SPON2: variants seen among roughly 807,000 people sequenced by gnomAD.
SPON2 encodes the protein spondin-2.
SPON2 carries 32 observed loss-of-function variants against 29.9 expected under a neutral mutation model. The ratio of observed to expected loss-of-function variants is 1.07; its 90% confidence interval spans 0.81 to 1.44. The LOEUF (loss-of-function observed/expected upper bound fraction) is 1.44, where lower values mean the gene tolerates loss of function less well. Ranked by LOEUF, SPON2 falls within the 40% of genes most tolerant of loss-of-function variation. The pLI is 0.00. For missense variants in SPON2, 541 were observed against 455.5 expected, an observed-to-expected ratio of 1.19 and a Z score of -1.71; for synonymous variants, 248 against 209.1, an observed-to-expected ratio of 1.19 and a Z score of -1.61.
In SPON2 at chr4:1,202,721, G is replaced by A. The variant is rs1286377994; in HGVS notation, c.-234+5159C>T. On this transcript the variant is annotated intron_variant, in intron 1 of 3. Transcript: ENST00000509233. This position sits in a 1 kb window ranked among gnomAD's most constrained non-coding sequence, Gnocchi z 5.4. ...GGCATAGCCTCGGTGGGGACTCCGA[G>A]GCAGCTCCAACCCCACGATGAGCCT... 6.6e-6 allele frequency among the ~76,000 whole-genome samples: 1 copy of A among 152,184 alleles called. No individual in the cohort carries two copies. The highest frequency in any genetic ancestry group is 1.5e-5 in the Non-Finnish European group (1 of 68,036).
At chr4:1,198,500 C>A (rs1271464571), upstream of SPON2, among the ~76,000 whole-genome samples, 1 of 152,078 alleles carries the variant, frequency 6.6e-6, no homozygotes, top group Non-Finnish European at 1.5e-5. Context: ...AAAGAGAAAA[C>A]CATAGACAAA....
intron 2 of SPON2, among the ~76,000 whole-genome samples, chr4:1,178,217 C>T (rs1056998603): frequency 3.4e-5 from 5 of 148,354 alleles, no homozygotes; most frequent in African/African-American, 7.5e-5. Context: ...CCAGGCACCA[C>T]GGGCTCTGCA....
At chr4:1,182,877 T>C (rs1035334033) in intron 1 of SPON2, among the ~76,000 whole-genome samples, 1 of 151,920 alleles carries the variant, frequency 6.6e-6, no homozygotes, top group African/African-American at 2.4e-5. Context: ...TCAGCAGATA[T>C]CAAAAACTTT....
intron 5 of SPON2, among the ~76,000 whole-genome samples, chr4:1,169,040 C>T (rs1727336235): frequency 6.6e-6 from 1 of 152,132 alleles, no homozygotes. Flanking sequence ...ACCCTTCTCT[C>T]CATGTCCTGC....
chr4:1,200,960 C>A, intron 1 of SPON2: 1 of 456,772 alleles, frequency 2.2e-6, no homozygotes, highest in African/African-American at 2.0e-5. Flanking sequence ...TTGCAGCAGA[C>A]CTGTACGCCA....
upstream of SPON2, among the ~76,000 whole-genome samples, chr4:1,177,867 G>A (rs1324294228): frequency 6.6e-6 from 1 of 152,124 alleles, no homozygotes; most frequent in Non-Finnish European, 1.5e-5. Context: ...CCACGGGAGC[G>A]GCCGTCTCCT....
At chr4:1,191,671 C>T (rs1439852097) in intron 1 of SPON2, among the ~76,000 whole-genome samples, 1 of 152,222 alleles carries the variant, frequency 6.6e-6, no homozygotes, top group African/African-American at 2.4e-5. Flanking sequence ...CTGAAATCCA[C>T]TGGGAAGGCC....
chr4:1,180,526 G>A (rs757999078), intron 1 of SPON2, among the ~76,000 whole-genome samples: 3 of 152,174 alleles, frequency 2.0e-5, no homozygotes, highest in African/African-American at 4.8e-5. Flanking sequence ...GAAAGCAATC[G>A]ATAGAGACTG....
chr4:1,170,957 G>A (rs1369192796), intron 4 of SPON2, 42 bp downstream of exon 4: 8 of 1,543,704 alleles, frequency 5.2e-6, no homozygotes, highest in Non-Finnish European at 6.1e-6. Context: ...TCCCCACCGC[G>A]GGGGCCATAG....
Position 1,170,505 on chromosome 4 carries a change from G to T in SPON2, c.708C>A (p.Ile236=), listed in dbSNP as rs894894383. ...YYPRLKALPP[I]ARVTLVRLRQ... is the part of the protein sequence containing the mutation. ...GCAGCCGCACCAGTGTCACCCTGGC[G>T]ATGGGAGGCAGGGCCTTCAGCCGCG... The change falls in exon 5 of 6, where the codon ATC becomes ATA. Residue 236 remains isoleucine (I), a synonymous_variant. Transcript: ENST00000290902. 80 of 1,613,954 alleles carry T rather than the reference G, an allele frequency of 5.0e-5. No homozygotes were observed. Among genetic ancestry groups the T allele is most frequent in the Non-Finnish European group, 6.8e-5 (80 of 1,179,966 alleles).
At chr4:1,195,362 C>G (rs1355462740), upstream of SPON2, among the ~76,000 whole-genome samples, 3 of 152,162 alleles carry the variant, frequency 2.0e-5, no homozygotes, top group Non-Finnish European at 2.9e-5. Context: ...GCCCCCTGGC[C>G]CGTCGGTGGG....
intron 5 of SPON2, 173 bp downstream of exon 5, chr4:1,170,229 C>CA: frequency 1.5e-6 from 1 of 683,978 alleles, no homozygotes. Context: ...GTGCAAGAGT[C>CA]ACATCTTCAG....
intron 1 of SPON2, among the ~76,000 whole-genome samples, chr4:1,186,178 A>G (rs111822223): frequency 0.14 from 21,297 of 148,364 alleles, 2,207 homozygotes; most frequent in African/African-American, 0.3. Flanking sequence ...TGGGAGGCGG[A>G]GCTTGCAGTG....
intron 1 of SPON2, among the ~76,000 whole-genome samples, chr4:1,203,263 G>A (rs1334936689): frequency 6.6e-6 from 1 of 152,192 alleles, no homozygotes; most frequent in Non-Finnish European, 1.5e-5. Context: ...CCCCAGCTGT[G>A]CCCTCGCCCC....
In SPON2 at chr4:1,171,282, AC is replaced by A; in HGVS notation, c.424del (p.Val142CysfsTer69). 6.4e-7 allele frequency: 1 copy of A among 1,555,996 alleles called. No homozygotes were observed. The highest frequency in any genetic ancestry group is 8.6e-7 in the Non-Finnish European group (1 of 1,158,172). On this transcript the variant is annotated frameshift_variant, in exon 3 of 6. Coordinates refer to ENST00000290902, the MANE Select transcript of SPON2 (RefSeq NM_012445.4). LOFTEE classifies it high-confidence loss of function. The part of the protein sequence containing the change: ...GTGQTSAELE[V>X]QRRHSLVSFV... ...GCTCACCAGCGAGTGCCTGCGCTGC[AC>A]CTCCAGCTCCGCCGACGTCTGCCCG...
At chr4:1,192,134 G>A (rs1727926369) in intron 1 of SPON2, among the ~76,000 whole-genome samples, 1 of 152,256 alleles carries the variant, frequency 6.6e-6, no homozygotes, top group South Asian at 2.1e-4. Flanking sequence ...ACCCGGCATG[G>A]GTTAAGCTCT....
At chr4:1,186,638 T>A (rs908255319) in intron 1 of SPON2, among the ~76,000 whole-genome samples, 3 of 152,164 alleles carry the variant, frequency 2.0e-5, no homozygotes, top group Non-Finnish European at 1.5e-5. Flanking sequence ...ATTTATCTGA[T>A]AAGGCACTAA....
At chr4:1,173,343 G>T (rs988320577), upstream of SPON2, 1 of 154,080 alleles carries the variant, frequency 6.5e-6, no homozygotes, top group Non-Finnish European at 1.4e-5. Flanking sequence ...GTCAGAGTGG[G>T]CTGAGGGTCT....
At chr4:1,182,189 G>T (rs1046043337) in intron 1 of SPON2, among the ~76,000 whole-genome samples, 1 of 152,010 alleles carries the variant, frequency 6.6e-6, no homozygotes, top group Admixed American at 6.5e-5. Flanking sequence ...GAATCACAAG[G>T]CATACAAAGA....
Sources: allele counts gnomAD v4.1 joint callset (sites outside exome capture counted in the v4.1 genomes callset), GRCh38; gene constraint gnomAD v4.1.1; non-coding constraint Gnocchi (gnomAD v3.1); transcripts MANE v1.5; gene names NCBI Gene and HGNC (gene_info 2026-07-23, HGNC 2026-07-21).